The following PTK2 variants were observed in gnomAD, a reference collection of about 807,000 sequenced individuals.
The protein encoded by PTK2 is protein tyrosine kinase 2, also known as focal adhesion kinase 1.
PTK2 carries 45 observed loss-of-function variants against 150.1 expected under a neutral mutation model. The observed-to-expected ratio is 0.30, with a 90% CI of 0.24 to 0.38. PTK2 has a LOEUF of 0.38. Ranked by LOEUF, PTK2 falls within the 10% of genes least tolerant of loss-of-function variation. PTK2 has a pLI of 1.00. For synonymous variants in PTK2, 432 were observed against 449.2 expected, an observed-to-expected ratio of 0.96 and a Z score of 0.48; for missense variants, 919 against 1,307.3, an observed-to-expected ratio of 0.70 and a Z score of 4.58.
chr8:140,836,306 A>G (rs2100118634), intron 7 of PTK2, among the ~76,000 whole-genome samples: 1 of 152,154 alleles, frequency 6.6e-6, no homozygotes, highest in Admixed American at 6.5e-5. Flanking sequence ...GTGAAGACTT[A>G]CTGTATACAC....
intron 23 of PTK2, among the ~76,000 whole-genome samples, chr8:140,715,620 A>G (rs1423237035): frequency 6.6e-6 from 1 of 152,226 alleles, no homozygotes; most frequent in Non-Finnish European, 1.5e-5. Flanking sequence ...TAATATACAA[A>G]TAAATGAGTG....
At position 140,702,657 on chromosome 8, in the gene PTK2, G is replaced by C. The variant is rs139239813; in HGVS notation, c.2280C>G (p.Ile760Met). The change falls in exon 25 of 32, where the codon ATC becomes ATG. Residue 760 changes from isoleucine (I) to methionine (M), a missense_variant. This residue lies in a region of PTK2 where 258 missense variants were observed against 265.4 expected (regional missense o/e 0.97). Transcript: ENST00000522684. The stretch of plus-strand genomic sequence containing the variant: ...CCAAAAGAGATGCCTGACCTGGATA[G>C]ATGCTGCCAGCCATGGCTGTGATTC... The C allele has an allele frequency of 7.1e-5, 114 of 1,614,060 alleles. No individual in the cohort carries two copies. The African/African-American group carries it at 1.3e-3, about 18-fold the overall frequency.
At chr8:140,829,145 A>G (rs1434601533) in intron 8 of PTK2, among the ~76,000 whole-genome samples, 3 of 152,234 alleles carry the variant, frequency 2.0e-5, no homozygotes, top group African/African-American at 4.8e-5. Context: ...GAGAGCCTGA[A>G]ATAAAGAGTA....
chr8:140,700,487 G>GT (rs199884182), intron 26 of PTK2, among the ~76,000 whole-genome samples: 3,525 of 140,178 alleles, frequency 0.025, 81 homozygotes, highest in African/African-American at 0.069. Context: ...ATTTCAAGTA[G>GT]TTTTTTTTTT....
intron 29 of PTK2, chr8:140,669,342 C>CATATATATATATAT (rs2094400025): frequency 1.0e-5 from 1 of 96,114 alleles, no homozygotes; most frequent in African/African-American, 5.9e-5. Context: ...TATATATATA[C>CATATATATATATAT]ACTTTTTAAA....
intron 27 of PTK2, among the ~76,000 whole-genome samples, chr8:140,681,434 CA>C (rs2100016828): frequency 6.6e-6 from 1 of 151,604 alleles, no homozygotes; most frequent in Non-Finnish European, 1.5e-5. Context: ...AAGAGCCAAC[CA>C]ACCCCAAACT....
At chr8:140,674,864 C>G (rs1185882844) in intron 28 of PTK2, among the ~76,000 whole-genome samples, 1 of 147,064 alleles carries the variant, frequency 6.8e-6, no homozygotes, top group South Asian at 2.2e-4. Context: ...CTGGGCAACA[C>G]GATGAAACCC....
At chr8:140,874,808 C>A (rs1465057972) in intron 4 of PTK2, among the ~76,000 whole-genome samples, 1 of 152,152 alleles carries the variant, frequency 6.6e-6, no homozygotes, top group Admixed American at 6.5e-5. Flanking sequence ...TGGTTCCTAG[C>A]TGAAAACAAG....
intron 29 of PTK2, among the ~76,000 whole-genome samples, chr8:140,671,759 CAAAA>C (rs35706231): frequency 2.3e-3 from 214 of 94,148 alleles, no homozygotes; most frequent in African/African-American, 7.9e-3. Flanking sequence ...TAAAAATACC[CAAAA>C]AAAAAAAAAA....
rs200063070 is a variant in PTK2 at position 140,890,755 on chromosome 8, G to A, written c.-18C>T. On this transcript the variant is annotated 5_prime_UTR_variant, in exon 3 of 32. Coordinates refer to ENST00000522684, the Ensembl canonical transcript of PTK2. ...GCTGCCATTATTTTGCTAGATGCTA[G>A]GTATCTGTCATATTCTGTTAAAAGA... is the stretch of plus-strand genomic sequence containing the variant. 4,642 of 1,613,874 alleles carry A rather than the reference G, an allele frequency of 2.9e-3. 11 individuals are homozygous for A. The highest frequency in any genetic ancestry group is 3.3e-3 in the Non-Finnish European group (3,904 of 1,179,828).
At chr8:140,694,959 C>T (rs935135972) in intron 26 of PTK2, among the ~76,000 whole-genome samples, 8 of 152,134 alleles carry the variant, frequency 5.3e-5, no homozygotes, top group Non-Finnish European at 7.3e-5. Context: ...CCGCACCAGG[C>T]GTTATTCCCA....
intron 7 of PTK2, among the ~76,000 whole-genome samples, chr8:140,831,377 G>T (rs1403303373): frequency 1.3e-5 from 2 of 152,132 alleles, no homozygotes; most frequent in East Asian, 3.9e-4. Flanking sequence ...GGAAATACAG[G>T]TATCTTTTCA....
chr8:140,679,685 G>T (rs181359099), intron 27 of PTK2, among the ~76,000 whole-genome samples: 5 of 152,284 alleles, frequency 3.3e-5, no homozygotes, highest in African/African-American at 7.2e-5. Context: ...TGAACATGCT[G>T]TCAACCTGTG....
rs1486666520 is a variant in PTK2, at chr8:140,670,485, AACAACACACACACACAC to A, written c.2710-2078_2710-2062del. On this transcript the variant is annotated intron_variant, in intron 29 of 31. Transcript: ENST00000522684. ...AAAAAAAAAAAAAAAAAAAAAAAACAACAACACACACACACACACACACACACACACACACACACACA... is the reference window on the plus strand; with the variant it reads ...AAAAAAAAAAAAAAAAAAAAAAAACAACACACACACACACACACACACACA... Among the ~76,000 whole-genome samples, 205 of 36,970 alleles carry A rather than the reference AACAACACACACACACAC, an allele frequency of 5.5e-3. 6 individuals are homozygous for A. The highest frequency in any genetic ancestry group is 9.0e-3 in the Non-Finnish European group (145 of 16,072). The allele number at this position is 36,970 out of a possible 152,430, so 24.3% of individuals were successfully genotyped here. A position where few individuals can be genotyped will look rare whatever the true frequency, so the allele number is the denominator to read the frequency against.
At chr8:140,735,356 G>C in exon 22 of PTK2, 1 of 1,614,026 alleles carries the variant, frequency 6.2e-7, no homozygotes, top group South Asian at 1.1e-5. Flanking sequence ...TGGAGGCATT[G>C]GTAATCTTTC....
chr8:140,976,913 T>C (rs1458728391), intron 1 of PTK2, among the ~76,000 whole-genome samples: 7 of 152,168 alleles, frequency 4.6e-5, no homozygotes, highest in Non-Finnish European at 1.5e-5. Flanking sequence ...AAAGAATTGG[T>C]AACATACAGA....
At chr8:140,839,356 G>A (rs1201977822) in intron 7 of PTK2, among the ~76,000 whole-genome samples, 1 of 152,172 alleles carries the variant, frequency 6.6e-6, no homozygotes, top group African/African-American at 2.4e-5. Context: ...AGGGCCACCA[G>A]CCTCTAATCC....
chr8:140,774,764 G>C (rs892041247), intron 14 of PTK2, among the ~76,000 whole-genome samples: 4 of 152,184 alleles, frequency 2.6e-5, no homozygotes, highest in South Asian at 2.1e-4. Context: ...GTGACCTCCA[G>C]TCATCTTCAC....
intron 14 of PTK2, chr8:140,771,473 T>C (rs2100075464): frequency 1.3e-5 from 2 of 152,200 alleles, no homozygotes; most frequent in Admixed American, 6.5e-5. Context: ...AACTGCAGTA[T>C]GGTAATGGCA....
Sources: gnomAD v4.1 joint callset for allele counts (sites outside exome capture counted in the v4.1 genomes callset) on GRCh38, gnomAD v4.1.1 for gene constraint, gnomAD v4.1.1 regional missense constraint, MANE v1.5 for transcripts, NCBI Gene and HGNC (gene_info 2026-07-23, HGNC 2026-07-21) for gene names.